Variants in ASAP2 observed in about 807,000 individuals in gnomAD.
The protein encoded by ASAP2 is ArfGAP with SH3 domain, ankyrin repeat and PH domain 2, also known as arf-GAP with SH3 domain, ANK repeat and PH domain-containing protein 2.
Under a neutral mutation model 131.4 loss-of-function variants are expected in ASAP2, and 45 were observed. The ratio of observed to expected loss-of-function variants is 0.34; its 90% CI spans 0.27 to 0.44. The LOEUF is 0.44. Ranked by LOEUF, ASAP2 falls within the 20% of genes least tolerant of loss-of-function variation. The probability of loss-of-function intolerance (pLI) is 1.00; values close to 1 mark genes in which losing one functional copy is unlikely to be tolerated. For synonymous variants in ASAP2, 510 were observed against 503.0 expected (o/e 1.01, Z -0.19); for missense variants, 1,011 against 1,297.0 (o/e 0.78, Z 3.39).
intron 2 of ASAP2, among the ~76,000 whole-genome samples, chr2:9,291,353 T>G (rs768649432): frequency 5.3e-5 from 8 of 152,198 alleles, no homozygotes; most frequent in Non-Finnish European, 1.2e-4. Context: ...CTGAAAATGG[T>G]TCTCTCTCAC....
In ASAP2 at chr2:9,381,980, C is replaced by CTT. The variant is rs759499289; in HGVS notation, c.2016+1192_2016+1193dup. On this transcript the variant is annotated intron_variant, in intron 20 of 27. Coordinates refer to ENST00000281419, the MANE Select transcript of ASAP2 (RefSeq NM_003887.3). ...CTGTACATCCACGAGCTCATTTAAT[C>CTT]TTTTTTTTTTTTTTTTTTTTTGAGA... Among the ~76,000 whole-genome samples, 571 of 115,916 alleles carry CTT rather than the reference C, an allele frequency of 4.9e-3. 7 individuals carry two copies. Among genetic ancestry groups the CTT allele is most frequent in the African/African-American group, 0.016 (419 of 26,214 alleles). The allele number at this position is 115,916 out of a possible 152,430, so 76.0% of individuals were successfully genotyped here.
At chr2:9,283,088 CTT>C (rs1419208984) in intron 2 of ASAP2, among the ~76,000 whole-genome samples, 1 of 151,636 alleles carries the variant, frequency 6.6e-6, no homozygotes, top group Non-Finnish European at 1.5e-5. Flanking sequence ...TTTTTCCTCT[CTT>C]TTTTTGAGAT....
rs1467577473 is a variant in ASAP2 at position 9,217,440 on chromosome 2, C to G, written c.126+10210C>G. On this transcript the variant is annotated intron_variant, in intron 1 of 27. Transcript: ENST00000281419. The surrounding 1 kb of genome is among the most constrained non-coding windows in gnomAD (Gnocchi z 4.0). ...CAGTGTTAATAACGATGTCATTTTT[C>G]CACTCCATGCTGAAGATGGCTTTGT... 1.3e-5 allele frequency among the ~76,000 whole-genome samples: 2 copies of G among 152,148 alleles called. No homozygotes were observed.
intron 15 of ASAP2, among the ~76,000 whole-genome samples, chr2:9,363,495 A>T (rs2715871): frequency 0.032 from 4,921 of 152,250 alleles, 249 homozygotes; most frequent in African/African-American, 0.1. Context: ...GTGTGAGATG[A>T]TCGTGGTTTT....
At chr2:9,339,354 C>T (rs1671430146) in intron 9 of ASAP2, among the ~76,000 whole-genome samples, 1 of 151,946 alleles carries the variant, frequency 6.6e-6, no homozygotes, top group Non-Finnish European at 1.5e-5. Context: ...CTACCCTGCC[C>T]TGTGACACTG....
chr2:9,211,705 G>C (rs1008747514), intron 1 of ASAP2, among the ~76,000 whole-genome samples: 6 of 152,210 alleles, frequency 3.9e-5, no homozygotes, highest in Non-Finnish European at 7.3e-5. Flanking sequence ...ATCTGGGCCT[G>C]CAGGCTCCCA....
At chr2:9,387,075 G>A (rs561946628) in intron 21 of ASAP2, among the ~76,000 whole-genome samples, 2 of 99,730 alleles carry the variant, frequency 2.0e-5, no homozygotes, top group Non-Finnish European at 3.6e-5. Flanking sequence ...GCTTGGTGGT[G>A]GGTGGGGGGG....
chr2:9,371,765 T>G (rs1018430909), intron 16 of ASAP2, among the ~76,000 whole-genome samples: 4 of 152,012 alleles, frequency 2.6e-5, no homozygotes, highest in African/African-American at 9.7e-5. Flanking sequence ...GAGCCCCTCC[T>G]CTGAACACCA....
chr2:9,399,894 A>C, intron 24 of ASAP2, 129 bp from the exon 25 acceptor site: 1 of 863,898 alleles, frequency 1.2e-6, no homozygotes. Flanking sequence ...AGAGACAGCT[A>C]AGTGACAGTG....
chr2:9,401,088 G>A (rs1211922987), intron 26 of ASAP2, among the ~76,000 whole-genome samples, 186 bp from the exon 27 acceptor site: 1 of 151,976 alleles, frequency 6.6e-6, no homozygotes, highest in Non-Finnish European at 1.5e-5. Flanking sequence ...TCTGCTTGGT[G>A]GGGAGCTCTT....
chr2:9,344,065 T>G (rs1214063839), intron 9 of ASAP2, among the ~76,000 whole-genome samples: 2 of 152,224 alleles, frequency 1.3e-5, no homozygotes, highest in Non-Finnish European at 2.9e-5. Flanking sequence ...GGGTATTCTT[T>G]TCTTATTGCC....
At position 9,400,080 on chromosome 2, in the gene ASAP2, T is replaced by G. The variant is rs1558405595; in HGVS notation, c.2734+8T>G. 6.2e-7 allele frequency: 1 copy of G among 1,612,442 alleles called. No individual in the cohort carries two copies. Among genetic ancestry groups the G allele is most frequent in the Admixed American group, 1.7e-5 (1 of 59,936 alleles). On this transcript the variant is annotated splice_region_variant and intron_variant, in intron 25 of 27. Coordinates refer to ENST00000281419, the MANE Select transcript of ASAP2 (RefSeq NM_003887.3). ...GCCAACCGAGAGGACCTGGTAATTA[T>G]TTAATTTGGGACTGAGTTTGTTTCT... is the stretch of plus-strand genomic sequence containing the variant.
Position 9,308,679 on chromosome 2 carries a change from G to A in ASAP2, c.346-9845G>A, listed in dbSNP as rs977024744. On this transcript the variant is annotated intron_variant, in intron 3 of 27. Transcript: ENST00000281419. ...TGCCAGCAGGAGTTTCAGTCCAGCC[G>A]TCTTTAATAGTGAGCTGAGAGGAAG... 8.5e-5 allele frequency among the ~76,000 whole-genome samples: 13 copies of A among 152,268 alleles called. No homozygotes were observed. The East Asian group carries it at 1.2e-3, about 14-fold the overall frequency.
intron 18 of ASAP2, 31 bp from the exon 19 acceptor site, chr2:9,378,911 CTA>C: frequency 7.2e-7 from 1 of 1,380,716 alleles, no homozygotes; most frequent in Non-Finnish European, 9.5e-7. Context: ...CTGTGACACA[CTA>C]TGCTCTCTCT....
intron 20 of ASAP2, among the ~76,000 whole-genome samples, chr2:9,382,567 T>C (rs936193002): frequency 3.9e-5 from 6 of 152,246 alleles, no homozygotes; most frequent in Non-Finnish European, 8.8e-5. Flanking sequence ...AATTCTCTCA[T>C]CCTGGTTGAA....
At chr2:9,325,759 C>T (rs989567738) in intron 6 of ASAP2, among the ~76,000 whole-genome samples, 3 of 151,420 alleles carry the variant, frequency 2.0e-5, no homozygotes, top group Admixed American at 1.3e-4. Flanking sequence ...GTAGATGATG[C>T]CTCTAAGTCA....
intron 9 of ASAP2, among the ~76,000 whole-genome samples, chr2:9,343,592 G>T (rs1223103258): frequency 1.3e-5 from 2 of 152,116 alleles, no homozygotes; most frequent in African/African-American, 4.8e-5. Flanking sequence ...GACTACCAGC[G>T]CCTGCCACCA....
At chr2:9,388,633 AGT>A in intron 22 of ASAP2, 87 bp downstream of exon 22, 1 of 1,522,638 alleles carries the variant, frequency 6.6e-7, no homozygotes, top group South Asian at 1.3e-5. Context: ...CCTCCAACTC[AGT>A]GACCTTTGGG....
At chr2:9,296,270 C>T (rs1668144417) in intron 2 of ASAP2, among the ~76,000 whole-genome samples, 1 of 152,194 alleles carries the variant, frequency 6.6e-6, no homozygotes, top group Admixed American at 6.5e-5. Context: ...AGTGCCTGAC[C>T]TAGAAGTGAG....
Sources: allele counts gnomAD v4.1 joint callset (sites outside exome capture counted in the v4.1 genomes callset), GRCh38; gene constraint gnomAD v4.1.1; non-coding constraint Gnocchi (gnomAD v3.1); transcripts MANE v1.5; gene names NCBI Gene and HGNC (gene_info 2026-07-23, HGNC 2026-07-21).